TTN: variants seen among roughly 807,000 people sequenced by gnomAD.
TTN encodes the protein connectin.
Under a neutral mutation model 3,223.0 loss-of-function variants are expected in TTN, and 1,525 were observed. The observed-to-expected ratio is 0.47, with a 90% CI of 0.45 to 0.49. The LOEUF is 0.49. TTN is among the 20% of genes least tolerant of loss of function. The pLI is 0.00. For missense variants in TTN, 40,786 were observed against 43,424.0 expected (o/e 0.94, Z 5.40); for synonymous variants, 14,094 against 15,161.0 (o/e 0.93, Z 5.17).
At chr2:178,755,215 G>A (rs1287042748) in intron 46 of TTN, among the ~76,000 whole-genome samples, 1 of 150,050 alleles carries the variant, frequency 6.7e-6, no homozygotes, top group Non-Finnish European at 1.5e-5. Context: ...ATAAGAGGAA[G>A]AAGTTATTAC....
Position 178,790,049 on chromosome 2 carries a change from G to A in TTN, c.1867C>T (p.Gln623Ter). ...VIVATPKVKE[Q>*]DLVSRGREGI... ...TCTCTACCTCTTGATACTAAATCTT[G>A]TTCTTTGACTTTGGGTGTGGCAACT... The change falls in exon 12 of 363, where the codon CAA (glutamine) becomes TAA (stop). Residue 623 changes from glutamine (Q) to a stop codon, truncating the protein, a stop_gained. Transcript: ENST00000589042. LOFTEE classifies it high-confidence loss of function. 1 of 1,613,152 alleles carries A rather than the reference G, an allele frequency of 6.2e-7. No homozygotes were observed. Among genetic ancestry groups the A allele is most frequent in the Non-Finnish European group, 8.5e-7 (1 of 1,179,458 alleles).
At chr2:178,625,196 T>C (rs2058848422) in intron 241 of TTN, 77 bp downstream of exon 241, 2 of 1,512,600 alleles carry the variant, frequency 1.3e-6, no homozygotes, top group African/African-American at 1.4e-5. Context: ...GTACTCATCA[T>C]ATAAAGATAA....
At position 178,564,434 on chromosome 2, in the gene TTN, C is replaced by T; in HGVS notation, c.81698G>A (p.Ser27233Asn). The T allele has an allele frequency of 6.2e-7, 1 of 1,612,918 alleles. No individual in the cohort carries two copies. The highest frequency in any genetic ancestry group is 1.7e-4 in the Middle Eastern group (1 of 6,060). Reference protein sequence around the residue: ...TNVLETEFTVSGLVEDQRYEF... With the variant: ...TNVLETEFTVNGLVEDQRYEF... ...ATATCTTTGGTCTTCTACAAGTCCA[C>T]TCACTGTAAATTCAGTTTCTAATAC... Residue 27233 changes from serine to asparagine, a missense_variant, in exon 326 of 363, where the codon AGT becomes AAT. By Grantham distance (46) the Ser-to-Asn change is conservative (BLOSUM62 1). Transcript: ENST00000589042.
At chr2:178,688,325 T>C in intron 126 of TTN, 101 bp from the exon 127 acceptor site, 3 of 1,066,968 alleles carry the variant, frequency 2.8e-6, no homozygotes, top group Non-Finnish European at 4.3e-6. Context: ...TCTATCTGCT[T>C]AGGACATAGC....
chr2:178,735,748 C>G lies in TTN; in HGVS notation c.14698G>C (p.Ala4900Pro), dbSNP rs72648923. ...FIKELEPVQSAINKKVHLECQ... is the reference protein window; with the variant it reads ...FIKELEPVQSPINKKVHLECQ... The stretch of plus-strand genomic sequence containing the variant: ...TCAAGGTGGACCTTCTTATTGATAG[C>G]GGACTGCACAGGCTCTAATTCTTTA... The change falls in exon 50 of 363, where the codon GCT becomes CCT. Residue 4900 changes from alanine (A) to proline (P), a missense_variant. Transcript: ENST00000589042. 1.2e-6 allele frequency: 2 copies of G among 1,613,770 alleles called. No individual in the cohort carries two copies. The highest frequency in any genetic ancestry group is 1.7e-6 in the Non-Finnish European group (2 of 1,179,796).
rs1262424768 is a variant in TTN, at chr2:178,731,925, C to T, written c.16950G>A (p.Lys5650=). 1 of 1,612,270 alleles carries T rather than the reference C, an allele frequency of 6.2e-7. No individual in the cohort carries two copies. Residue 5650 remains lysine (K), a synonymous_variant, in exon 58 of 363, where the codon AAG becomes AAA. Transcript: ENST00000589042. ...CAGCCAGCAACATGACATCGTACTC[C>T]TTTAAGACTTCAATTGGCTTAAATT... ...TKEFKPIEVL[K]EYDVMLLAEV...
intron 283 of TTN, 48 bp downstream of exon 283, chr2:178,602,234 C>G (rs2053635649): frequency 1.3e-6 from 2 of 1,595,586 alleles, no homozygotes; most frequent in Admixed American, 1.8e-5. Flanking sequence ...TAATCAATTT[C>G]ATAATAAGAT....
In TTN at chr2:178,609,363, A is replaced by C. The variant is rs368529230; in HGVS notation, c.51947T>G (p.Leu17316Arg). ...GEVQEEEPFV[L>R]PLTQRLSIDN... ...AATACTCAAACGCTGTGTCAGAGGC[A>C]GGACAAATGGTTCTTCTTCTTGAAC... Residue 17316 changes from leucine (L) to arginine (R), a missense_variant, in exon 273 of 363, where the codon CTG becomes CGG. Coordinates refer to ENST00000589042, the MANE Select transcript of TTN (RefSeq NM_001267550.2). 1 of 1,612,292 alleles carries C rather than the reference A, an allele frequency of 6.2e-7. No individual in the cohort carries two copies. Among genetic ancestry groups the C allele is most frequent in the Non-Finnish European group, 8.5e-7 (1 of 1,179,006 alleles).
chr2:178,607,201 T>G lies in TTN; in HGVS notation c.53401A>C (p.Ile17801Leu). 6.2e-7 allele frequency: 1 copy of G among 1,613,020 alleles called. No individual in the cohort carries two copies. Among genetic ancestry groups the G allele is most frequent in the Non-Finnish European group, 8.5e-7 (1 of 1,179,306 alleles). The change falls in exon 278 of 363, where the codon ATT becomes CTT. Residue 17801 changes from isoleucine (I) to leucine (L), a missense_variant. Transcript: ENST00000589042. ...TGCATCTTGGCATCTTTTCTTTCAA[T>G]GATAAAGCCTGTTATTTCACTTCCT... is the stretch of plus-strand genomic sequence containing the variant. ...DGGSEITGFI[I>L]ERKDAKMHTW...
chr2:178,608,490 T>TAAC lies in TTN; in HGVS notation c.52406-16_52406-14dup, dbSNP rs756874338. The TAAC allele has an allele frequency of 7.6e-6, 12 of 1,569,316 alleles. No individual in the cohort carries two copies. In the African/African-American group the frequency reaches 1.6e-4, roughly 22 times the overall value. ...GCATCAGGTGGTCCTGATAAAAAAATAACATTTGAAGTAAATTTCCCAGTA... is the reference window on the plus strand; with the variant it reads ...GCATCAGGTGGTCCTGATAAAAAAATAACAACATTTGAAGTAAATTTCCCAGTA... On this transcript the variant is annotated splice_polypyrimidine_tract_variant and intron_variant, in intron 274 of 362. Coordinates refer to ENST00000589042, the MANE Select transcript of TTN (RefSeq NM_001267550.2).
intron 127 of TTN, among the ~76,000 whole-genome samples, chr2:178,687,108 AAG>A (rs1346033136): frequency 3.9e-5 from 6 of 152,228 alleles, no homozygotes; most frequent in African/African-American, 1.2e-4. Context: ...CTTTTGTTCC[AAG>A]TGAAAAAAGG....
chr2:178,536,421 C>A lies in TTN; in HGVS notation c.100326G>T (p.Val33442=). 1 of 1,613,406 alleles carries A rather than the reference C, an allele frequency of 6.2e-7. No homozygotes were observed. Among genetic ancestry groups the A allele is most frequent in the African/African-American group, 1.3e-5 (1 of 74,982 alleles). ...REKKQNKWIS[V]TTEEIRETVF... ...CAGTTTCTCGAATTTCTTCTGTTGT[C>A]ACAGAAATCCATTTATTCTGCTTCT... Residue 33442 remains valine (V), a synonymous_variant, in exon 357 of 363, where the codon GTG becomes GTT. Transcript: ENST00000589042.
At position 178,531,736 on chromosome 2, in the gene TTN, C is replaced by T. The variant is rs1352552140; in HGVS notation, c.104879G>A (p.Arg34960His). Reference sequence around the variant, plus strand: ...CTTAGACTGAACATTTAAAATAAAACGTGTATTTTGGCCACATGGTACCCT... The same window carrying T: ...CTTAGACTGAACATTTAAAATAAAATGTGTATTTTGGCCACATGGTACCCT... ...SHRVPCGQNTRFILNVQSKPT... is the reference protein window; with the variant it reads ...SHRVPCGQNTHFILNVQSKPT... Residue 34960 changes from arginine (R) to histidine (H), a missense_variant, in exon 358 of 363, where the codon CGT becomes CAT. Arg to His is a conservative substitution (Grantham distance 29). Coordinates refer to ENST00000589042, the MANE Select transcript of TTN (RefSeq NM_001267550.2). 5 of 1,613,786 alleles carry T rather than the reference C, an allele frequency of 3.1e-6. No individual in the cohort carries two copies. Among genetic ancestry groups the T allele is most frequent in the Non-Finnish European group, 3.4e-6 (4 of 1,179,862 alleles).
In TTN at chr2:178,781,199, C is replaced by A. The variant is rs368967197; in HGVS notation, c.3445G>T (p.Asp1149Tyr). ...CKLVISMTFA[D>Y]DAGEYTIVVR... ...ACAATAGTGTATTCTCCAGCATCAT[C>A]AGCAAAAGTCATAGAAATCACCAGC... The change falls in exon 21 of 363, where the codon GAT becomes TAT. Residue 1149 changes from aspartate (D) to tyrosine (Y), a missense_variant. Physicochemically the swap from Asp to Tyr is radical, Grantham distance 160. Coordinates refer to ENST00000589042, the MANE Select transcript of TTN (RefSeq NM_001267550.2). 1.9e-6 allele frequency: 3 copies of A among 1,613,924 alleles called. No individual in the cohort carries two copies. In the African/African-American group the frequency reaches 4.0e-5, roughly 22 times the overall value.
chr2:178,649,476 A>T lies in TTN; in HGVS notation c.39973+78T>A, dbSNP rs1560079714. 8 of 1,443,880 alleles carry T rather than the reference A, an allele frequency of 5.5e-6. No homozygotes were observed. In the East Asian group the frequency reaches 1.5e-4, roughly 27 times the overall value. 89.4% of individuals were successfully genotyped at this position (1,443,880 alleles called of 1,614,324 possible). On this transcript the variant is annotated intron_variant, in intron 212 of 362. Transcript: ENST00000589042. ...TTTTGTCCTTAGTTATGCAACAACA[A>T]TGAGGACAACTTATTGGATTCCACT...
At position 178,670,241 on chromosome 2, in the gene TTN, T is replaced by C. The variant is rs756069642; in HGVS notation, c.35363A>G (p.Glu11788Gly). The C allele has an allele frequency of 2.7e-6, 4 of 1,494,892 alleles. No homozygotes were observed. The highest frequency in any genetic ancestry group is 5.0e-5 in the East Asian group (2 of 39,864). The allele number at this position is 1,494,892 out of a possible 1,614,324, so 92.6% of individuals were successfully genotyped here. Residue 11788 changes from glutamate to glycine, a missense_variant, in exon 157 of 363, where the codon GAG becomes GGG. By Grantham distance (98) the Glu-to-Gly change is moderately conservative. Transcript: ENST00000589042. ...ACCTTTAGTTGGTGGAACTCTGGGC[T>C]CTTCAGGAACACGTACTTTTTCTTC... ...VVEEKVRVPE[E>G]PRVPPTKAPE...
At chr2:178,637,946 C>A (rs1408604039) in intron 223 of TTN, among the ~76,000 whole-genome samples, 3 of 151,916 alleles carry the variant, frequency 2.0e-5, no homozygotes, top group Non-Finnish European at 2.9e-5. Flanking sequence ...TTCCTTTAGA[C>A]AATGAAGTAA....
Position 178,550,084 on chromosome 2 carries a change from A to C in TTN, c.91754T>G (p.Phe30585Cys). ...ITDVLGSTSL[F>C]VRDATRDHRG... is the part of the protein sequence containing the mutation. ...ATGGTCCCGAGTAGCATCTCTAACA[A>C]ATAGGCTGGTGGATCCAAGTACGTC... Residue 30585 changes from phenylalanine (F) to cysteine (C), a missense_variant, in exon 337 of 363, where the codon TTT becomes TGT. Phe to Cys is a radical substitution (Grantham distance 205, BLOSUM62 -2). Coordinates refer to ENST00000589042, the MANE Select transcript of TTN (RefSeq NM_001267550.2). 6.2e-7 allele frequency: 1 copy of C among 1,613,784 alleles called. No homozygotes were observed. Among genetic ancestry groups the C allele is most frequent in the South Asian group, 1.1e-5 (1 of 91,074 alleles).
At chr2:178,612,750 C>T (rs576760143) in intron 265 of TTN, 23 bp downstream of exon 265, 1 of 1,589,770 alleles carries the variant, frequency 6.3e-7, no homozygotes, top group Non-Finnish European at 8.5e-7. Context: ...ATTTATATAT[C>T]CCAGACATCA....
Sources: gnomAD v4.1 joint callset for allele counts (sites outside exome capture counted in the v4.1 genomes callset) on GRCh38, gnomAD v4.1.1 for gene constraint, MANE v1.5 for transcripts, NCBI Gene and HGNC (gene_info 2026-07-23, HGNC 2026-07-21) for gene names.